Variants in ANTXR1 observed in about 807,000 individuals in gnomAD.
ANTXR1 encodes anthrax toxin receptor 1.
Under a neutral mutation model 78.1 loss-of-function variants are expected in ANTXR1, and 19 were observed. The ratio of observed to expected loss-of-function variants is 0.24; its 90% confidence interval spans 0.17 to 0.36. The LOEUF is 0.36. ANTXR1 is among the 10% of genes least tolerant of loss of function. The pLI is 1.00. For missense variants in ANTXR1, 518 were observed against 718.6 expected, an observed-to-expected ratio of 0.72 and a Z score of 3.19; for synonymous variants, 273 against 260.5, an observed-to-expected ratio of 1.05 and a Z score of -0.46.
chr2:69,145,932 G>C, intron 12 of ANTXR1: 6 of 985,700 alleles, frequency 6.1e-6, no homozygotes, highest in Non-Finnish European at 7.2e-6. Context: ...CATTATTGAA[G>C]TTCCAAATGT....
At chr2:69,172,124 A>G (rs1343898890) in intron 14 of ANTXR1, among the ~76,000 whole-genome samples, 1 of 152,226 alleles carries the variant, frequency 6.6e-6, no homozygotes, top group Non-Finnish European at 1.5e-5. Context: ...AAAACAAAAC[A>G]TTCCCTTCCT....
intron 7 of ANTXR1, among the ~76,000 whole-genome samples, chr2:69,076,296 A>G (rs1670728327): frequency 6.6e-6 from 1 of 152,232 alleles, no homozygotes; most frequent in South Asian, 2.1e-4. Context: ...TTTGACAAGT[A>G]TGATTTTCTT....
chr2:69,234,885 C>T (rs1201509988), intron 17 of ANTXR1, among the ~76,000 whole-genome samples: 1 of 151,618 alleles, frequency 6.6e-6, no homozygotes, highest in South Asian at 2.1e-4. Flanking sequence ...CAAGATAACA[C>T]AGTAAGTTGC....
At chr2:69,145,240 G>T in intron 12 of ANTXR1, 1 of 1,378,382 alleles carries the variant, frequency 7.3e-7, no homozygotes. Context: ...ACCCTCACTT[G>T]CATGGGTCCC....
intron 12 of ANTXR1, chr2:69,145,677 T>A (rs1673204480): frequency 8.7e-7 from 1 of 1,153,698 alleles, no homozygotes. Flanking sequence ...GGTGGAGGAT[T>A]TCACAGTTTC....
At chr2:69,019,881 G>C (rs757852714) in intron 1 of ANTXR1, among the ~76,000 whole-genome samples, 3 of 152,120 alleles carry the variant, frequency 2.0e-5, no homozygotes, top group South Asian at 2.1e-4. Context: ...ACAGCCTCCA[G>C]CTCCACCCAT....
chr2:69,120,841 G>A lies in ANTXR1; in HGVS notation c.803-2176G>A, dbSNP rs999059349. On this transcript the variant is annotated intron_variant, in intron 10 of 17. Coordinates refer to ENST00000303714, the MANE Select transcript of ANTXR1 (RefSeq NM_032208.3). ...ATAACCTCCAGTAGTTCCCTGTTGCGCTTAGAAAAAATTTCAAAAGCTTCA... is the reference window on the plus strand; with the variant it reads ...ATAACCTCCAGTAGTTCCCTGTTGCACTTAGAAAAAATTTCAAAAGCTTCA... Among the ~76,000 whole-genome samples the A allele has an allele frequency of 2.0e-5, 3 of 152,216 alleles. No homozygotes were observed. The South Asian group carries it at 6.2e-4, about 32-fold the overall frequency.
intron 16 of ANTXR1, among the ~76,000 whole-genome samples, chr2:69,183,335 C>A (rs936061978): frequency 6.6e-6 from 1 of 152,122 alleles, no homozygotes; most frequent in African/African-American, 2.4e-5. Flanking sequence ...TTAAAATCCT[C>A]TTTGGTTTAT....
chr2:69,074,671 A>C (rs1670675137), intron 6 of ANTXR1, among the ~76,000 whole-genome samples: 1 of 152,212 alleles, frequency 6.6e-6, no homozygotes, highest in African/African-American at 2.4e-5. Context: ...GGAAATTTCT[A>C]ACATGAAGGA....
rs1673753883 is a variant in ANTXR1, at chr2:69,163,931, TCTC to T, written c.1048-6314_1048-6312del. ...AAAAGACGAAAAATGTACATTACCT[TCTC>T]CTTTACCTTGCAAAAATCATATTTT... On this transcript the variant is annotated intron_variant, in intron 13 of 17. Coordinates refer to ENST00000303714, the MANE Select transcript of ANTXR1 (RefSeq NM_032208.3). Among the ~76,000 whole-genome samples the T allele has an allele frequency of 2.0e-5, 3 of 152,230 alleles. No homozygotes were observed. The South Asian group carries it at 6.2e-4, about 31-fold the overall frequency.
At chr2:69,187,589 T>TC (rs1414961906) in intron 16 of ANTXR1, among the ~76,000 whole-genome samples, 1 of 137,356 alleles carries the variant, frequency 7.3e-6, no homozygotes, top group Non-Finnish European at 1.5e-5. Flanking sequence ...GTATTTCTTT[T>TC]TTTTTTTTTT....
intron 1 of ANTXR1, among the ~76,000 whole-genome samples, chr2:69,038,844 A>T: frequency 6.6e-6 from 1 of 152,194 alleles, no homozygotes; most frequent in East Asian, 1.9e-4. Flanking sequence ...ATATGGGACA[A>T]AGAAAAATAA....
chr2:69,212,209 G>T (rs919651423), intron 17 of ANTXR1, among the ~76,000 whole-genome samples: 4 of 152,204 alleles, frequency 2.6e-5, no homozygotes, highest in Non-Finnish European at 5.9e-5. Context: ...GAAAGAAGTA[G>T]GGGAGGGGAG....
At chr2:69,159,836 TA>T (rs1673630282) in intron 13 of ANTXR1, among the ~76,000 whole-genome samples, 1 of 152,186 alleles carries the variant, frequency 6.6e-6, no homozygotes, top group African/African-American at 2.4e-5. Flanking sequence ...GTTCAACAAA[TA>T]AGCCCACTGG....
At chr2:69,144,587 C>T (rs1006828134) in intron 12 of ANTXR1, among the ~76,000 whole-genome samples, 32 of 152,334 alleles carry the variant, frequency 2.1e-4, no homozygotes, top group African/African-American at 7.7e-4. Flanking sequence ...AGAGAAAGAC[C>T]TTTGCCAGCT....
intron 10 of ANTXR1, among the ~76,000 whole-genome samples, chr2:69,106,447 T>C (rs1002167339): frequency 6.6e-6 from 1 of 152,192 alleles, no homozygotes; most frequent in African/African-American, 2.4e-5. Flanking sequence ...TCACAGGGGC[T>C]CCAGGCCAGG....
At chr2:69,079,680 G>A (rs1670843820) in intron 8 of ANTXR1, among the ~76,000 whole-genome samples, 1 of 152,170 alleles carries the variant, frequency 6.6e-6, no homozygotes, top group South Asian at 2.1e-4. Flanking sequence ...AACAAGTTAA[G>A]AAAATAATCT....
At chr2:69,180,345 C>T (rs1674242490) in intron 14 of ANTXR1, among the ~76,000 whole-genome samples, 2 of 152,200 alleles carry the variant, frequency 1.3e-5, no homozygotes, top group South Asian at 2.1e-4. Flanking sequence ...GCTTTATCAA[C>T]CCCTTTTCCA....
intron 2 of ANTXR1, among the ~76,000 whole-genome samples, chr2:69,043,252 C>A (rs1669665268): frequency 6.6e-6 from 1 of 152,092 alleles, no homozygotes; most frequent in African/African-American, 2.4e-5. Context: ...TCTTTCAGGG[C>A]CTCAATTTCC....
Sources: allele counts gnomAD v4.1 joint callset (sites outside exome capture counted in the v4.1 genomes callset), GRCh38; gene constraint gnomAD v4.1.1; transcripts MANE v1.5; gene names NCBI Gene and HGNC (gene_info 2026-07-23, HGNC 2026-07-21).